The following TIE1 variants were observed in gnomAD, a reference collection of about 807,000 sequenced individuals.
TIE1 encodes the protein tyrosine-protein kinase receptor Tie-1.
A neutral mutation model predicts 130.5 loss-of-function variants in TIE1; 89 were observed. The observed-to-expected ratio is 0.68, with a 90% CI of 0.57 to 0.81. The LOEUF (loss-of-function observed/expected upper bound fraction) is 0.81, where lower values mean the gene tolerates loss of function less well. Ranked by LOEUF, TIE1 falls within the 40% of genes least tolerant of loss-of-function variation. The probability of loss-of-function intolerance (pLI) is 0.00; values close to 1 mark genes in which losing one functional copy is unlikely to be tolerated. For missense variants in TIE1, 1,392 were observed against 1,559.8 expected (o/e 0.89, Z 1.81); for synonymous variants, 568 against 629.4 (o/e 0.90, Z 1.46).
At chr1:43,302,113 T>C (rs918942976) in intron 1 of TIE1, among the ~76,000 whole-genome samples, 13 of 152,248 alleles carry the variant, frequency 8.5e-5, no homozygotes, top group African/African-American at 3.1e-4. Context: ...GTTCATAGGG[T>C]AATTGTGTTG....
rs1646851876 is a variant in TIE1, at chr1:43,315,679, G to A, written c.2410-1520G>A. ...TCTCAAAAAAAAAAATCCATTCAGAGATTCAATTGGCTTCTTTGTTCCAAG... is the reference window on the plus strand; with the variant it reads ...TCTCAAAAAAAAAAATCCATTCAGAAATTCAATTGGCTTCTTTGTTCCAAG... On this transcript the variant is annotated intron_variant, in intron 14 of 22. Transcript: ENST00000372476. This position sits in a 1 kb window ranked among gnomAD's most constrained non-coding sequence, Gnocchi z 4.4. Among the ~76,000 whole-genome samples the A allele has an allele frequency of 6.6e-6, 1 of 152,098 alleles. No individual in the cohort carries two copies. The highest frequency in any genetic ancestry group is 2.1e-4 in the South Asian group (1 of 4,828).
rs1302993129 is a variant in TIE1 at position 43,319,596 on chromosome 1, A to G, written c.3107+67A>G. On this transcript the variant is annotated intron_variant, in intron 19 of 22. Coordinates refer to ENST00000372476, the MANE Select transcript of TIE1 (RefSeq NM_005424.5). This position sits in a 1 kb window ranked among gnomAD's most constrained non-coding sequence, Gnocchi z 4.7. ...AGAATCACCCAGGCCTGACCTAGAC[A>G]TATCTCAGAAATGTCATAGGTGGTC... 2 of 1,498,988 alleles carry G rather than the reference A, an allele frequency of 1.3e-6. No homozygotes were observed. The highest frequency in any genetic ancestry group is 1.1e-5 in the South Asian group (1 of 88,802). 92.9% of individuals were successfully genotyped at this position (1,498,988 alleles called of 1,614,324 possible).
chr1:43,314,010 G>A (rs773590996), intron 14 of TIE1, 42 bp downstream of exon 14: 126 of 1,602,586 alleles, frequency 7.9e-5, no homozygotes, highest in Admixed American at 1.0e-4. Flanking sequence ...CTTGCAGCCC[G>A]TGTTTATGTT....
Position 43,318,177 on chromosome 1 carries a change from T to C in TIE1, c.2922+105T>C. 2.2e-6 allele frequency: 3 copies of C among 1,390,490 alleles called. No homozygotes were observed. The highest frequency in any genetic ancestry group is 2.9e-6 in the Non-Finnish European group (3 of 1,044,800). 86.1% of individuals were successfully genotyped at this position (1,390,490 alleles called of 1,614,324 possible). On this transcript the variant is annotated intron_variant, in intron 17 of 22. Transcript: ENST00000372476. This position sits in a 1 kb window ranked among gnomAD's most constrained non-coding sequence, Gnocchi z 4.4. ...GATTGTATCTGGGGATTGAGGTTCC[T>C]GGCCCAAGTGTGTGGGTGGGTGCAA...
chr1:43,320,946 A>C (rs1011352549), intron 19 of TIE1: 1 of 362,274 alleles, frequency 2.8e-6, no homozygotes, highest in South Asian at 4.4e-5. Flanking sequence ...AGGGAGACTG[A>C]GGTGGGAGGA....
chr1:43,306,997 TCAGAGGCAGAGGG>T lies in TIE1; in HGVS notation c.640+9_640+21del. On this transcript the variant is annotated splice_donor_5th_base_variant and intron_variant, in intron 4 of 22. Coordinates refer to ENST00000372476, the MANE Select transcript of TIE1 (RefSeq NM_005424.5). The surrounding 1 kb of genome is among the most constrained non-coding windows in gnomAD (Gnocchi z 4.9). ...CCTTCTTTCGGCTCATCGTGCGGGG[TCAGAGGCAGAGGG>T]CAGAGGTTGTGGGTAGGGTGGGAGG... 6.2e-7 allele frequency: 1 copy of T among 1,613,428 alleles called. No individual in the cohort carries two copies. Among genetic ancestry groups the T allele is most frequent in the Middle Eastern group, 1.7e-4 (1 of 6,058 alleles).
At chr1:43,321,755 G>A (rs1646923108) in intron 22 of TIE1, 40 bp downstream of exon 22, 3 of 1,532,550 alleles carry the variant, frequency 2.0e-6, no homozygotes, top group Non-Finnish European at 2.7e-6. Context: ...TGGGCTCACA[G>A]AGTGCTCCAG....
At chr1:43,303,246 A>G (rs558743472) in intron 1 of TIE1, among the ~76,000 whole-genome samples, 1 of 152,268 alleles carries the variant, frequency 6.6e-6, no homozygotes, top group East Asian at 1.9e-4. Flanking sequence ...AGATTTGGGA[A>G]AAGCTGATGG....
chr1:43,307,022 G>A lies in TIE1; in HGVS notation c.640+27G>A, dbSNP rs759611508. 1 of 1,613,604 alleles carries A rather than the reference G, an allele frequency of 6.2e-7. No individual in the cohort carries two copies. The highest frequency in any genetic ancestry group is 8.5e-7 in the Non-Finnish European group (1 of 1,179,954). ...TCAGAGGCAGAGGGCAGAGGTTGTG[G>A]GTAGGGTGGGAGGCTGGGAGCCCTA... On this transcript the variant is annotated intron_variant, in intron 4 of 22. Transcript: ENST00000372476. The surrounding 1 kb of genome is among the most constrained non-coding windows in gnomAD (Gnocchi z 5.4).
rs201260251 is a variant in TIE1 at position 43,313,401 on chromosome 1, G to A, written c.2194G>A (p.Val732Ile). ...GGGGCTCGGGGACTGGAGCAACACA[G>A]TAGAAGAGTCCACCCTGGGCAACGG... ...IQGLGDWSNTVEESTLGNGLQ... is the reference protein window; with the variant it reads ...IQGLGDWSNTIEESTLGNGLQ... Residue 732 changes from valine (V) to isoleucine (I), a missense_variant, in exon 13 of 23, where the codon GTA becomes ATA. Physicochemically the swap from Val to Ile is conservative, Grantham distance 29 (BLOSUM62 3). Coordinates refer to ENST00000372476, the MANE Select transcript of TIE1 (RefSeq NM_005424.5). This position sits in a 1 kb window ranked among gnomAD's most constrained non-coding sequence, Gnocchi z 6.2. The A allele has an allele frequency of 4.6e-5, 74 of 1,613,984 alleles. No individual in the cohort carries two copies. The East Asian group carries it at 1.4e-3, about 31-fold the overall frequency.
chr1:43,309,173 C>T lies in TIE1; in HGVS notation c.1188+42C>T, dbSNP rs1489171134. 6 of 1,557,616 alleles carry T rather than the reference C, an allele frequency of 3.9e-6. No homozygotes were observed. In the Admixed American group the frequency reaches 5.5e-5, roughly 14 times the overall value. The stretch of plus-strand genomic sequence containing the variant: ...CCCAACCCACCAGCCCCTCAGGCCG[C>T]CTGCTTCACAGCTGATCCCTAAGAC... On this transcript the variant is annotated intron_variant, in intron 8 of 22. Coordinates refer to ENST00000372476, the MANE Select transcript of TIE1 (RefSeq NM_005424.5). The surrounding 1 kb of genome is among the most constrained non-coding windows in gnomAD (Gnocchi z 6.3).
At chr1:43,321,557 C>G (rs1646920008) in intron 21 of TIE1, 59 bp from the exon 22 acceptor site, 13 of 1,558,782 alleles carry the variant, frequency 8.3e-6, no homozygotes, top group Non-Finnish European at 1.1e-5. Flanking sequence ...AGCTTTGATC[C>G]CTGTGACCCC....
Position 43,318,078 on chromosome 1 carries a change from T to G in TIE1, c.2922+6T>G. On this transcript the variant is annotated splice_donor_region_variant and intron_variant, in intron 17 of 22. Coordinates refer to ENST00000372476, the MANE Select transcript of TIE1 (RefSeq NM_005424.5). The surrounding 1 kb of genome is among the most constrained non-coding windows in gnomAD (Gnocchi z 4.4). ...AGTACCTGAGTGAGAAGCAGGTGTG[T>G]GTGAGTGGGGGCGGGTGGAGGCCAG... 1 of 1,532,792 alleles carries G rather than the reference T, an allele frequency of 6.5e-7. No individual in the cohort carries two copies. Among genetic ancestry groups the G allele is most frequent in the Non-Finnish European group, 8.8e-7 (1 of 1,139,164 alleles). 94.9% of individuals were successfully genotyped at this position (1,532,792 alleles called of 1,614,324 possible).
rs770965286 is a variant in TIE1, at chr1:43,321,389, C to T, written c.3149-7C>T. ...CTGGACCGAGAGCACTTTGTCCCCT[C>T]CTGCAGGAGGTACACCCTACTGTGG... On this transcript the variant is annotated splice_region_variant and splice_polypyrimidine_tract_variant and intron_variant, in intron 20 of 22. Coordinates refer to ENST00000372476, the MANE Select transcript of TIE1 (RefSeq NM_005424.5). 4 of 1,613,898 alleles carry T rather than the reference C, an allele frequency of 2.5e-6. No individual in the cohort carries two copies. The highest frequency in any genetic ancestry group is 3.4e-6 in the Non-Finnish European group (4 of 1,179,946).
intron 9 of TIE1, 106 bp from the exon 10 acceptor site, chr1:43,311,565 T>C (rs987833524): frequency 6.9e-7 from 1 of 1,450,514 alleles, no homozygotes; most frequent in Admixed American, 2.1e-5. Flanking sequence ...GGTCATCTGT[T>C]GAACTTGGTG....
In TIE1 at chr1:43,309,207, C is replaced by T. The variant is rs2282226; in HGVS notation, c.1188+76C>T. The T allele has an allele frequency of 0.35, 531,736 of 1,523,628 alleles. 98,119 individuals carry two copies. The highest frequency in any genetic ancestry group is 0.39 in the Non-Finnish European group (437,449 of 1,134,060). The allele number at this position is 1,523,628 out of a possible 1,614,324, so 94.4% of individuals were successfully genotyped here. On this transcript the variant is annotated intron_variant, in intron 8 of 22. Coordinates refer to ENST00000372476, the MANE Select transcript of TIE1 (RefSeq NM_005424.5). This position sits in a 1 kb window ranked among gnomAD's most constrained non-coding sequence, Gnocchi z 6.3. ...CAGCTGATCCCTAAGACCCCCTAGT[C>T]CCTCAGAACTTTCTGCAGGGCCCAC...
rs746021734 is a variant in TIE1, at chr1:43,317,416, TG to T, written c.2620+11del. On this transcript the variant is annotated splice_region_variant and intron_variant, in intron 15 of 22. Transcript: ENST00000372476. The surrounding 1 kb of genome is among the most constrained non-coding windows in gnomAD (Gnocchi z 5.1). ...GCCATCAAAATGCTGAAAGGTCCACTGGGGCGACCCCTGGCCCAGCCCTGAT... is the reference window on the plus strand; with the variant it reads ...GCCATCAAAATGCTGAAAGGTCCACTGGGCGACCCCTGGCCCAGCCCTGAT... 4 of 1,613,886 alleles carry T rather than the reference TG, an allele frequency of 2.5e-6. No homozygotes were observed. Among genetic ancestry groups the T allele is most frequent in the Non-Finnish European group, 3.4e-6 (4 of 1,180,012 alleles).
chr1:43,319,638 C>A lies in TIE1; in HGVS notation c.3107+109C>A. ...TAGGTGGTCTAAGGCATGACCTGGG[C>A]TGTGTTCCAGGTGTGACACAGGTGT... On this transcript the variant is annotated intron_variant, in intron 19 of 22. Coordinates refer to ENST00000372476, the MANE Select transcript of TIE1 (RefSeq NM_005424.5). This position sits in a 1 kb window ranked among gnomAD's most constrained non-coding sequence, Gnocchi z 4.7. 1 of 1,169,754 alleles carries A rather than the reference C, an allele frequency of 8.5e-7. No homozygotes were observed. Among genetic ancestry groups the A allele is most frequent in the Non-Finnish European group, 1.3e-6 (1 of 785,736 alleles). The allele number at this position is 1,169,754 out of a possible 1,614,324, so 72.5% of individuals were successfully genotyped here.
At chr1:43,314,183 T>C in intron 14 of TIE1, 1 of 716,870 alleles carries the variant, frequency 1.4e-6, no homozygotes, top group Non-Finnish European at 2.3e-6. Flanking sequence ...TTTATATTAG[T>C]GGTGAAATAT....
Sources: allele counts gnomAD v4.1 joint callset (sites outside exome capture counted in the v4.1 genomes callset), GRCh38; gene constraint gnomAD v4.1.1; non-coding constraint Gnocchi (gnomAD v3.1); transcripts MANE v1.5; gene names NCBI Gene and HGNC (gene_info 2026-07-23, HGNC 2026-07-21).